RALGAPA2: variants seen among roughly 807,000 people sequenced by gnomAD.
RALGAPA2 encodes the protein ral GTPase-activating protein subunit alpha-2.
RALGAPA2 carries 139 observed loss-of-function variants against 230.4 expected under a neutral mutation model. The ratio of observed to expected loss-of-function variants is 0.60; its 90% CI spans 0.53 to 0.69. The LOEUF is 0.69. Ranked by LOEUF, RALGAPA2 falls within the 30% of genes least tolerant of loss-of-function variation. RALGAPA2 has a pLI of 0.00. For synonymous variants in RALGAPA2, 847 were observed against 837.8 expected (o/e 1.01, Z -0.19); for missense variants, 2,163 against 2,276.0 (o/e 0.95, Z 1.01).
chr20:20,709,709 G>C (rs373382890), intron 1 of RALGAPA2, among the ~76,000 whole-genome samples: 7 of 152,114 alleles, frequency 4.6e-5, no homozygotes, highest in African/African-American at 1.7e-4. Context: ...AATCATACCA[G>C]ACCAGTCTAT....
intron 15 of RALGAPA2, among the ~76,000 whole-genome samples, chr20:20,602,813 CGTGT>C (rs35087554): frequency 0.039 from 5,724 of 147,672 alleles, 141 homozygotes; most frequent in Non-Finnish European, 0.047. Context: ...GAATGGCAGG[CGTGT>C]GTGTGTGTGT....
chr20:20,468,735 T>A (rs1321504413), intron 37 of RALGAPA2, among the ~76,000 whole-genome samples: 1 of 152,124 alleles, frequency 6.6e-6, no homozygotes, highest in Non-Finnish European at 1.5e-5. Context: ...CTGTCTGCGA[T>A]TCTGTTCTCA....
At chr20:20,596,322 CA>C (rs763738553) in intron 16 of RALGAPA2, among the ~76,000 whole-genome samples, 2 of 151,896 alleles carry the variant, frequency 1.3e-5, no homozygotes, top group East Asian at 1.9e-4. Flanking sequence ...GAAACAAAAA[CA>C]AAAAAAGTTA....
At chr20:20,564,549 C>G (rs2064355656) in intron 23 of RALGAPA2, among the ~76,000 whole-genome samples, 1 of 152,196 alleles carries the variant, frequency 6.6e-6, no homozygotes, top group African/African-American at 2.4e-5. Flanking sequence ...ATAAAAAGAT[C>G]ATTGAACTTT....
chr20:20,503,049 C>T (rs572608871), intron 35 of RALGAPA2, among the ~76,000 whole-genome samples: 102 of 152,278 alleles, frequency 6.7e-4, no homozygotes, highest in East Asian at 1.7e-3. Context: ...CAAATCGCCC[C>T]GCAGCAAGCC....
chr20:20,527,436 T>G (rs982359266), intron 27 of RALGAPA2, among the ~76,000 whole-genome samples: 11 of 152,136 alleles, frequency 7.2e-5, no homozygotes, highest in African/African-American at 2.7e-4. Flanking sequence ...GTTCCATCTC[T>G]CAAACACTCT....
At chr20:20,624,324 T>C (rs2066420445) in intron 10 of RALGAPA2, among the ~76,000 whole-genome samples, 2 of 105,072 alleles carry the variant, frequency 1.9e-5, no homozygotes, top group South Asian at 3.1e-4. Context: ...CGAGACTCCA[T>C]CTCCAAAAAA....
intron 27 of RALGAPA2, 148 bp downstream of exon 27, chr20:20,531,539 C>A: frequency 1.4e-6 from 1 of 713,312 alleles, no homozygotes; most frequent in Non-Finnish European, 2.4e-6. Context: ...CCGTTGGTGC[C>A]CCTCCCGGGA....
intron 31 of RALGAPA2, among the ~76,000 whole-genome samples, chr20:20,516,021 C>A (rs187581943): frequency 6.6e-6 from 1 of 152,278 alleles, no homozygotes; most frequent in Non-Finnish European, 1.5e-5. Flanking sequence ...GGAGTGAGAC[C>A]GGCCTTGCCA....
chr20:20,535,901 C>T lies in RALGAPA2; in HGVS notation c.3415-98G>A, dbSNP rs374586635. The T allele has an allele frequency of 6.2e-6, 9 of 1,441,214 alleles. No individual in the cohort carries two copies. The African/African-American group carries it at 8.6e-5, about 14-fold the overall frequency. 89.3% of individuals were successfully genotyped at this position (1,441,214 alleles called of 1,614,324 possible). On this transcript the variant is annotated intron_variant, in intron 25 of 39. Coordinates refer to ENST00000202677, the MANE Select transcript of RALGAPA2 (RefSeq NM_020343.4). Reference sequence around the variant, plus strand: ...CAGGCAGCCAGGAGCTACTGAAGTTCGACCAGGGAGCTCAGAGAGCTCATC... The same window carrying T: ...CAGGCAGCCAGGAGCTACTGAAGTTTGACCAGGGAGCTCAGAGAGCTCATC...
intron 20 of RALGAPA2, among the ~76,000 whole-genome samples, chr20:20,581,707 T>C (rs2064988808): frequency 6.6e-6 from 1 of 152,226 alleles, no homozygotes; most frequent in African/African-American, 2.4e-5. Context: ...TAAAGAATTT[T>C]ACTGAATACC....
At chr20:20,579,168 C>T (rs2064909363) in intron 20 of RALGAPA2, among the ~76,000 whole-genome samples, 1 of 152,094 alleles carries the variant, frequency 6.6e-6, no homozygotes, top group Non-Finnish European at 1.5e-5. Context: ...GATAACCACA[C>T]TAAATAAAAG....
chr20:20,667,506 C>T (rs753793896), intron 3 of RALGAPA2, among the ~76,000 whole-genome samples: 6 of 152,162 alleles, frequency 3.9e-5, no homozygotes, highest in Admixed American at 3.9e-4. Context: ...TGTAATAAAT[C>T]GCAAGCAATC....
At position 20,461,400 on chromosome 20, in the gene RALGAPA2, T is replaced by A. The variant is rs183863300; in HGVS notation, c.5495+11429A>T. Among the ~76,000 whole-genome samples, 559 of 152,376 alleles carry A rather than the reference T, an allele frequency of 3.7e-3. 4 individuals are homozygous for A. Among genetic ancestry groups the A allele is most frequent in the African/African-American group, 0.013 (543 of 41,588 alleles). On this transcript the variant is annotated intron_variant, in intron 37 of 39. Transcript: ENST00000202677. ...TCAATTTAACTGAGTTCAATTTTTT[T>A]AATTTCAAAAGTGGGAAGAAAACAC...
intron 10 of RALGAPA2, among the ~76,000 whole-genome samples, chr20:20,628,347 T>C (rs1331279472): frequency 6.6e-6 from 1 of 152,214 alleles, no homozygotes; most frequent in Non-Finnish European, 1.5e-5. Context: ...GACTCTGCCA[T>C]TCAAGGGCTT....
intron 37 of RALGAPA2, among the ~76,000 whole-genome samples, chr20:20,441,884 T>TA (rs1169890478): frequency 5.3e-5 from 8 of 152,086 alleles, no homozygotes; most frequent in African/African-American, 1.9e-4. Context: ...TTATCACAAA[T>TA]AACATAAGAC....
intron 38 of RALGAPA2, among the ~76,000 whole-genome samples, chr20:20,401,236 G>C (rs1219729819): frequency 6.6e-6 from 1 of 152,166 alleles, no homozygotes; most frequent in African/African-American, 2.4e-5. Flanking sequence ...AAGGTGGTCT[G>C]GGTGGCACTA....
rs568088057 is a variant in RALGAPA2, at chr20:20,632,810, T to C, written c.1005+2608A>G. On this transcript the variant is annotated intron_variant, in intron 9 of 39. Coordinates refer to ENST00000202677, the MANE Select transcript of RALGAPA2 (RefSeq NM_020343.4). ...GCCCTTTCATCTCCTTAGTCTATTT[T>C]TCAGTGGGGTTGTTTGTCTTCTTAC... Among the ~76,000 whole-genome samples, 3 of 152,318 alleles carry C rather than the reference T, an allele frequency of 2.0e-5. No individual in the cohort carries two copies. The South Asian group carries it at 6.2e-4, about 32-fold the overall frequency.
At chr20:20,471,111 C>T (rs1254179519) in intron 37 of RALGAPA2, 1 of 152,166 alleles carries the variant, frequency 6.6e-6, no homozygotes, top group African/African-American at 2.4e-5. Context: ...AGTTAGAGTA[C>T]ATTTACTAAC....
Sources: gnomAD v4.1 joint callset for allele counts (sites outside exome capture counted in the v4.1 genomes callset) on GRCh38, gnomAD v4.1.1 for gene constraint, MANE v1.5 for transcripts, NCBI Gene and HGNC (gene_info 2026-07-23, HGNC 2026-07-21) for gene names.